The following TBXAS1 variants were observed in gnomAD, a reference collection of about 807,000 sequenced individuals.
TBXAS1 encodes the protein thromboxane-A synthase.
TBXAS1 carries 48 observed loss-of-function variants against 60.7 expected under a neutral mutation model. That is an observed-to-expected ratio of 0.79 (90% CI 0.63 to 1.01). The LOEUF (loss-of-function observed/expected upper bound fraction) is 1.01. TBXAS1 is among the 50% of genes least tolerant of loss of function. The probability of loss-of-function intolerance (pLI) is 0.00; values close to 1 mark genes in which losing one functional copy is unlikely to be tolerated. For missense variants in TBXAS1, 685 were observed against 686.3 expected (o/e 1.00, Z 0.02); for synonymous variants, 287 against 269.7 (o/e 1.06, Z -0.63).
At chr7:139,983,384 G>A (rs1812099812) in intron 9 of TBXAS1, among the ~76,000 whole-genome samples, 1 of 152,216 alleles carries the variant, frequency 6.6e-6, no homozygotes, top group Admixed American at 6.5e-5. Context: ...AATCTATGAA[G>A]TCGGTAGGGT....
intron 4 of TBXAS1, among the ~76,000 whole-genome samples, chr7:139,919,544 A>G (rs551595965): frequency 2.8e-4 from 42 of 152,322 alleles, no homozygotes; most frequent in Non-Finnish European, 4.9e-4. Context: ...ATGTTCCAGA[A>G]CACAAGAAAA....
At chr7:140,018,213 CAT>C (rs1442550421) in intron 12 of TBXAS1, among the ~76,000 whole-genome samples, 2 of 152,196 alleles carry the variant, frequency 1.3e-5, no homozygotes, top group African/African-American at 4.8e-5. Flanking sequence ...GCAGTTGTGA[CAT>C]GTGCCTGCCT....
intron 1 of TBXAS1, among the ~76,000 whole-genome samples, chr7:139,849,332 T>C (rs1005337587): frequency 6.6e-6 from 1 of 151,324 alleles, no homozygotes; most frequent in African/African-American, 2.4e-5. Context: ...TGAGCCAAGA[T>C]CGCACCACTG....
intron 5 of TBXAS1, among the ~76,000 whole-genome samples, chr7:139,944,315 G>A (rs983615626): frequency 4.6e-5 from 7 of 152,284 alleles, no homozygotes; most frequent in Middle Eastern, 6.8e-3. Flanking sequence ...TATGTTCAGG[G>A]AATAGGGGAG....
intron 4 of TBXAS1, among the ~76,000 whole-genome samples, chr7:139,805,676 T>C (rs1332917270): frequency 3.2e-5 from 1 of 30,946 alleles, no homozygotes; most frequent in African/African-American, 1.3e-4. Flanking sequence ...CTTTCTTTCT[T>C]TCTTTCTTTC....
chr7:139,888,629 A>G (rs896394038), intron 3 of TBXAS1, among the ~76,000 whole-genome samples: 3 of 152,196 alleles, frequency 2.0e-5, no homozygotes, highest in African/African-American at 4.8e-5. Flanking sequence ...TCATTGGGAA[A>G]GGTTAGCTCA....
chr7:139,826,413 G>T (rs1342499050), upstream of TBXAS1, among the ~76,000 whole-genome samples: 2 of 152,118 alleles, frequency 1.3e-5, no homozygotes, highest in Non-Finnish European at 2.9e-5. Context: ...AATAAGCAGG[G>T]AACTACAGAG....
intron 9 of TBXAS1, among the ~76,000 whole-genome samples, chr7:139,984,636 GAGA>G (rs761172935): frequency 1.4e-5 from 1 of 70,912 alleles, no homozygotes; most frequent in African/African-American, 5.4e-5. Flanking sequence ...GAGAGAGAGA[GAGA>G]GAGAAAGAAA....
intron 3 of TBXAS1, among the ~76,000 whole-genome samples, chr7:139,904,997 C>CTCCT (rs1554487079): frequency 3.5e-3 from 330 of 93,152 alleles, no homozygotes; most frequent in South Asian, 7.0e-3. Context: ...CTCTCTTTCT[C>CTCCT]TCTTTCTCTC....
At chr7:139,979,481 C>A (rs1056912302) in intron 9 of TBXAS1, among the ~76,000 whole-genome samples, 1 of 152,038 alleles carries the variant, frequency 6.6e-6, no homozygotes, top group South Asian at 2.1e-4. Context: ...AATCCCAGCA[C>A]TTTGGGAGGC....
chr7:139,933,277 C>T (rs915526979), intron 4 of TBXAS1, among the ~76,000 whole-genome samples: 5 of 152,082 alleles, frequency 3.3e-5, no homozygotes, highest in African/African-American at 1.2e-4. Flanking sequence ...AGTGTAAATT[C>T]ACCCTTAAGT....
At chr7:139,867,691 C>T (rs1336775206) in intron 1 of TBXAS1, among the ~76,000 whole-genome samples, 1 of 152,104 alleles carries the variant, frequency 6.6e-6, no homozygotes, top group East Asian at 1.9e-4. Context: ...GTGGTGGGCG[C>T]CTGTAATCCT....
At chr7:140,019,988 A>T in intron 12 of TBXAS1, 37 bp from the exon 13 acceptor site, 1 of 1,594,374 alleles carries the variant, frequency 6.3e-7, no homozygotes, top group Non-Finnish European at 8.6e-7. Flanking sequence ...AGATGCTACT[A>T]TCTCTTTGAC....
chr7:139,797,086 A>T (rs1797590377), intron 4 of TBXAS1: 1 of 152,264 alleles, frequency 6.6e-6, no homozygotes, highest in Admixed American at 6.5e-5. Flanking sequence ...ACGTTTCAAC[A>T]TGAAGAAAAT....
intron 1 of TBXAS1, among the ~76,000 whole-genome samples, chr7:139,845,941 C>T (rs1299775166): frequency 6.6e-6 from 1 of 151,790 alleles, no homozygotes; most frequent in East Asian, 1.9e-4. Context: ...TCTCCCACCC[C>T]AGCCCCATGA....
intron 4 of TBXAS1, among the ~76,000 whole-genome samples, chr7:139,787,939 C>A (rs1272576759): frequency 6.6e-6 from 1 of 152,102 alleles, no homozygotes; most frequent in Non-Finnish European, 1.5e-5. Flanking sequence ...TTTATTGATA[C>A]AATTTTGAGA....
At chr7:139,938,128 G>A (rs894535069) in intron 5 of TBXAS1, among the ~76,000 whole-genome samples, 1 of 152,162 alleles carries the variant, frequency 6.6e-6, no homozygotes, top group Non-Finnish European at 1.5e-5. Flanking sequence ...CAATTGCAGG[G>A]GGGTGGCAGA....
chr7:139,997,414 C>T (rs1813373668), intron 9 of TBXAS1, among the ~76,000 whole-genome samples: 1 of 152,120 alleles, frequency 6.6e-6, no homozygotes, highest in South Asian at 2.1e-4. Context: ...TAAATATTAC[C>T]AAACAGCAGA....
chr7:139,998,143 T>G (rs533578165), intron 9 of TBXAS1, among the ~76,000 whole-genome samples: 6 of 152,168 alleles, frequency 3.9e-5, no homozygotes, highest in Admixed American at 3.9e-4. Flanking sequence ...ATTTCATTTA[T>G]AGGAAGTTCA....
Sources: allele counts gnomAD v4.1 joint callset (sites outside exome capture counted in the v4.1 genomes callset), GRCh38; gene constraint gnomAD v4.1.1; transcripts MANE v1.5; gene names NCBI Gene and HGNC (gene_info 2026-07-23, HGNC 2026-07-21).